Variants in ST3GAL3 observed in about 807,000 individuals in gnomAD.
ST3GAL3 encodes the protein CMP-N-acetylneuraminate-beta-1,4-galactoside alpha-2,3-sialyltransferase.
A neutral mutation model predicts 50.1 loss-of-function variants in ST3GAL3; 21 were observed. That is an observed-to-expected ratio of 0.42 (90% CI 0.30 to 0.60). The LOEUF (loss-of-function observed/expected upper bound fraction) is 0.60. Ranked by LOEUF, ST3GAL3 falls within the 20% of genes least tolerant of loss-of-function variation. ST3GAL3 has a pLI of 0.19. For synonymous variants in ST3GAL3, 183 were observed against 190.0 expected, an observed-to-expected ratio of 0.96 and a Z score of 0.30; for missense variants, 353 against 489.4, an observed-to-expected ratio of 0.72 and a Z score of 2.63.
chr1:43,823,533 C>T (rs1217513636), intron 4 of ST3GAL3, among the ~76,000 whole-genome samples: 2 of 152,148 alleles, frequency 1.3e-5, no homozygotes, highest in African/African-American at 4.8e-5. Context: ...GTCTCCTTTG[C>T]CCATCCCATT....
intron 2 of ST3GAL3, among the ~76,000 whole-genome samples, chr1:43,744,125 A>T (rs1297605364): frequency 6.6e-6 from 1 of 152,168 alleles, no homozygotes; most frequent in Non-Finnish European, 1.5e-5. Flanking sequence ...AATGTTTTTT[A>T]TTTATCATCA....
At chr1:43,821,901 G>GT (rs1273142866) in intron 4 of ST3GAL3, among the ~76,000 whole-genome samples, 2 of 152,212 alleles carry the variant, frequency 1.3e-5, no homozygotes, top group African/African-American at 4.8e-5. Context: ...CAACTAATAT[G>GT]TATCAGGCAA....
chr1:43,886,976 A>G (rs1217180033), intron 5 of ST3GAL3, among the ~76,000 whole-genome samples: 1 of 152,214 alleles, frequency 6.6e-6, no homozygotes, highest in African/African-American at 2.4e-5. Flanking sequence ...GGGATGGGGT[A>G]AGGAGGCCAA....
chr1:43,925,119 G>T (rs958485993), intron 11 of ST3GAL3, among the ~76,000 whole-genome samples: 5 of 151,848 alleles, frequency 3.3e-5, no homozygotes, highest in Non-Finnish European at 7.4e-5. Context: ...GTGAAACCCC[G>T]TCTCTGCTAA....
chr1:43,870,404 A>T (rs985305402), intron 5 of ST3GAL3, among the ~76,000 whole-genome samples: 1 of 152,250 alleles, frequency 6.6e-6, no homozygotes, highest in African/African-American at 2.4e-5. Context: ...ATCACAGGCC[A>T]TGCTGGGAGC....
chr1:43,891,271 A>G (rs1393252499), intron 5 of ST3GAL3, among the ~76,000 whole-genome samples: 1 of 152,226 alleles, frequency 6.6e-6, no homozygotes, highest in East Asian at 1.9e-4. Context: ...TAATCTGAGC[A>G]TCAAAAAATA....
At chr1:43,883,803 T>C (rs1367834509) in intron 5 of ST3GAL3, among the ~76,000 whole-genome samples, 2 of 152,206 alleles carry the variant, frequency 1.3e-5, no homozygotes, top group African/African-American at 2.4e-5. Context: ...CAGTTACTTA[T>C]GGTTCTCTTC....
intron 11 of ST3GAL3, among the ~76,000 whole-genome samples, chr1:43,926,992 T>A (rs891683995): frequency 6.6e-6 from 1 of 152,188 alleles, no homozygotes; most frequent in Non-Finnish European, 1.5e-5. Context: ...CCCACTCCAC[T>A]GATTCAAACA....
chr1:43,895,412 G>A (rs373564251), intron 6 of ST3GAL3, among the ~76,000 whole-genome samples: 52 of 152,312 alleles, frequency 3.4e-4, no homozygotes, highest in African/African-American at 1.2e-3. Flanking sequence ...TTCATGGCAT[G>A]GTGGAAAATA....
Position 43,824,682 on chromosome 1 carries a change from T to A in ST3GAL3, c.209+9749T>A, listed in dbSNP as rs542945999. On this transcript the variant is annotated intron_variant, in intron 4 of 11. Coordinates refer to ENST00000347631, the MANE Select transcript of ST3GAL3 (RefSeq NM_006279.5). ...CTGTTCAAAGACTTTCTCCTAGACA[T>A]CTTGAGCTATGTGATCAAGACTGAA... 109 of 1,613,210 alleles carry A rather than the reference T, an allele frequency of 6.8e-5. 2 individuals carry two copies. The South Asian group carries it at 1.1e-3, about 17-fold the overall frequency.
chr1:43,738,834 G>A (rs1258282657), intron 2 of ST3GAL3: 1 of 152,056 alleles, frequency 6.6e-6, no homozygotes, highest in Non-Finnish European at 1.5e-5. Flanking sequence ...AGCTGAAGGA[G>A]CATCACAACC....
chr1:43,896,712 T>A (rs2077438022), intron 6 of ST3GAL3: 1 of 152,116 alleles, frequency 6.6e-6, no homozygotes, highest in African/African-American at 2.4e-5. Flanking sequence ...CCTGACTAAT[T>A]TTTGTATTTT....
chr1:43,905,621 CT>C lies in ST3GAL3; in HGVS notation c.744+5896del. Among the ~76,000 whole-genome samples the C allele has an allele frequency of 6.2e-4, 8 of 12,812 alleles. 1 individual carries two copies. Among genetic ancestry groups the C allele is most frequent in the Admixed American group, 1.5e-3 (3 of 1,998 alleles). The allele number at this position is 12,812 out of a possible 152,430, so 8.4% of individuals were successfully genotyped here. ...GCCACTGTTTCTCCCCCTCCTCCTG[CT>C]TCTCTTCCCGCCACTGTTTCTCCCC... On this transcript the variant is annotated intron_variant, in intron 9 of 11. Coordinates refer to ENST00000347631, the MANE Select transcript of ST3GAL3 (RefSeq NM_006279.5).
intron 5 of ST3GAL3, among the ~76,000 whole-genome samples, chr1:43,844,579 AG>A (rs1460742036): frequency 6.6e-6 from 1 of 152,124 alleles, no homozygotes; most frequent in Non-Finnish European, 1.5e-5. Context: ...TGGGAGGCCG[AG>A]GAGGGTGGAT....
chr1:43,776,584 G>A (rs1432636874), intron 2 of ST3GAL3, among the ~76,000 whole-genome samples: 2 of 151,894 alleles, frequency 1.3e-5, no homozygotes, highest in Non-Finnish European at 2.9e-5. Context: ...ATTTCTCTTG[G>A]GTACTGGCAG....
At chr1:43,912,747 A>G (rs2081147115) in intron 9 of ST3GAL3, 1 of 152,266 alleles carries the variant, frequency 6.6e-6, no homozygotes, top group Admixed American at 6.5e-5. Flanking sequence ...CTTTCTTCCC[A>G]GATGTTTTCC....
chr1:43,866,708 G>A (rs72684757), intron 5 of ST3GAL3, among the ~76,000 whole-genome samples: 15,366 of 152,164 alleles, frequency 0.1, 988 homozygotes, highest in Admixed American at 0.19. Flanking sequence ...ATTACTGCAC[G>A]TGGTTTGGTA....
chr1:43,724,341 G>C (rs756831211), intron 1 of ST3GAL3, among the ~76,000 whole-genome samples: 4 of 151,368 alleles, frequency 2.6e-5, no homozygotes, highest in Admixed American at 6.6e-5. Flanking sequence ...CCCATGAGTA[G>C]CTGGGACTAC....
intron 5 of ST3GAL3, among the ~76,000 whole-genome samples, chr1:43,864,042 C>T (rs1441083338): frequency 1.3e-5 from 2 of 151,830 alleles, no homozygotes; most frequent in Non-Finnish European, 2.9e-5. Flanking sequence ...ACTTTGGGAG[C>T]TTGAGGCAGG....
Sources: gnomAD v4.1 joint callset for allele counts (sites outside exome capture counted in the v4.1 genomes callset) on GRCh38, gnomAD v4.1.1 for gene constraint, MANE v1.5 for transcripts, NCBI Gene and HGNC (gene_info 2026-07-23, HGNC 2026-07-21) for gene names.